The following UMAD1 variants were observed in gnomAD, a reference collection of about 807,000 sequenced individuals.
The protein encoded by UMAD1 is UBAP1-MVB12-associated (UMA)-domain containing protein 1.
UMAD1 carries 8 observed loss-of-function variants against 6.1 expected under a neutral mutation model. The observed-to-expected ratio is 1.30, with a 90% CI of 0.76 to 2.35. UMAD1 has a LOEUF of 2.35. Among genes scored for constraint, UMAD1 ranks in the 30% most tolerant of loss-of-function variants. The pLI is 0.00. For missense variants in UMAD1, 130 were observed against 78.4 expected (o/e 1.66, Z -2.49); for synonymous variants, 56 against 31.4 (o/e 1.78, Z -2.61).
intron 2 of UMAD1, among the ~76,000 whole-genome samples, chr7:7,703,638 T>C (rs920376181): frequency 6.6e-6 from 1 of 152,150 alleles, no homozygotes; most frequent in African/African-American, 2.4e-5. Context: ...CAAAGTTCAG[T>C]TCCTTCTTCT....
intron 2 of UMAD1, among the ~76,000 whole-genome samples, chr7:7,675,382 G>A (rs572908213): frequency 2.0e-5 from 3 of 152,160 alleles, no homozygotes; most frequent in Non-Finnish European, 4.4e-5. Flanking sequence ...GTGGCTCCTG[G>A]TGCTGCTAAG....
At chr7:7,647,388 C>T (rs1327828767) in intron 1 of UMAD1, among the ~76,000 whole-genome samples, 1 of 152,104 alleles carries the variant, frequency 6.6e-6, no homozygotes, top group Admixed American at 6.5e-5. Flanking sequence ...TTATGTGAGG[C>T]TTGCTTTAAG....
intron 1 of UMAD1, among the ~76,000 whole-genome samples, chr7:7,648,142 CCTT>C (rs1208492031): frequency 1.3e-5 from 2 of 152,168 alleles, no homozygotes; most frequent in African/African-American, 2.4e-5. Context: ...CCAGTGGCCT[CCTT>C]CTTCTTAAAG....
intron 2 of UMAD1, chr7:7,715,292 T>C (rs1460815412): frequency 1.3e-5 from 2 of 152,110 alleles, no homozygotes; most frequent in Non-Finnish European, 2.9e-5. Flanking sequence ...ATGAATACAG[T>C]TTCATCAATG....
intron 2 of UMAD1, among the ~76,000 whole-genome samples, chr7:7,775,207 G>A (rs752507280): frequency 7.2e-5 from 11 of 152,140 alleles, no homozygotes; most frequent in Non-Finnish European, 1.0e-4. Flanking sequence ...GCTCAGCATC[G>A]GTAGTTATTA....
intron 1 of UMAD1, among the ~76,000 whole-genome samples, chr7:7,646,267 G>A (rs1388070392): frequency 6.6e-6 from 1 of 150,918 alleles, no homozygotes; most frequent in Non-Finnish European, 1.5e-5. Flanking sequence ...ATTGAGTGAT[G>A]GAGGTGGCTC....
chr7:7,683,019 C>T (rs1779950604), intron 2 of UMAD1, among the ~76,000 whole-genome samples: 1 of 152,200 alleles, frequency 6.6e-6, no homozygotes, highest in South Asian at 2.1e-4. Flanking sequence ...TAGGCCATCC[C>T]CGTGTGGGGT....
intron 2 of UMAD1, among the ~76,000 whole-genome samples, chr7:7,700,434 GA>G (rs1337427835): frequency 6.6e-6 from 1 of 152,058 alleles, no homozygotes; most frequent in Non-Finnish European, 1.5e-5. Context: ...TTTATATTAA[GA>G]AAAAGTCAGG....
chr7:7,749,310 C>T (rs1343293174), intron 2 of UMAD1, among the ~76,000 whole-genome samples: 2 of 152,192 alleles, frequency 1.3e-5, no homozygotes, highest in Non-Finnish European at 2.9e-5. Flanking sequence ...TATAATCTCA[C>T]CTCAGTGAGA....
chr7:7,654,764 T>G (rs1329406536), intron 1 of UMAD1, among the ~76,000 whole-genome samples: 1 of 151,698 alleles, frequency 6.6e-6, no homozygotes. Context: ...ATTAGCCAGG[T>G]GTGGTGGCGG....
intron 2 of UMAD1, among the ~76,000 whole-genome samples, chr7:7,693,769 A>G (rs1001280458): frequency 1.3e-5 from 2 of 152,180 alleles, no homozygotes; most frequent in Non-Finnish European, 2.9e-5. Context: ...AATATTTTGT[A>G]AGATGTTTAT....
intron 3 of UMAD1, among the ~76,000 whole-genome samples, chr7:7,847,851 A>G (rs534586533): frequency 1.3e-5 from 2 of 152,120 alleles, no homozygotes; most frequent in African/African-American, 2.4e-5. Context: ...CAGGATGCAC[A>G]TTTTTTAACT....
chr7:7,653,359 G>T (rs1785270252), intron 1 of UMAD1, among the ~76,000 whole-genome samples: 1 of 152,162 alleles, frequency 6.6e-6, no homozygotes, highest in Non-Finnish European at 1.5e-5. Flanking sequence ...GTCAGTGATT[G>T]AGATCCAAAT....
At chr7:7,856,791 T>C (rs10230493) in intron 3 of UMAD1, among the ~76,000 whole-genome samples, 2,622 of 152,312 alleles carry the variant, frequency 0.017, 85 homozygotes, top group African/African-American at 0.059. Flanking sequence ...CAGAAAAGCA[T>C]ATACTTTACA....
At chr7:7,804,710 G>A (rs772493079) in intron 3 of UMAD1, among the ~76,000 whole-genome samples, 8 of 152,218 alleles carry the variant, frequency 5.3e-5, no homozygotes, top group African/African-American at 1.7e-4. Context: ...GGCCGGGTGC[G>A]GTGGCTCACG....
At chr7:7,761,378 A>T (rs187122319) in intron 2 of UMAD1, among the ~76,000 whole-genome samples, 1 of 151,698 alleles carries the variant, frequency 6.6e-6, no homozygotes, top group Non-Finnish European at 1.5e-5. Context: ...AAAAAAAAGT[A>T]CCACTTCTTT....
At chr7:7,813,843 T>A (rs964941408) in intron 3 of UMAD1, among the ~76,000 whole-genome samples, 3 of 152,204 alleles carry the variant, frequency 2.0e-5, no homozygotes, top group African/African-American at 7.2e-5. Flanking sequence ...TGTTGTTCAG[T>A]TTGATTGAAT....
intron 3 of UMAD1, among the ~76,000 whole-genome samples, chr7:7,834,311 C>T (rs544085104): frequency 1.3e-5 from 2 of 152,256 alleles, no homozygotes; most frequent in East Asian, 1.9e-4. Flanking sequence ...GCATGAGCCA[C>T]CATGCCTGGC....
At chr7:7,865,034 CT>C (rs1195605490) in intron 3 of UMAD1, among the ~76,000 whole-genome samples, 1 of 152,150 alleles carries the variant, frequency 6.6e-6, no homozygotes, top group Non-Finnish European at 1.5e-5. Context: ...ACTCCTTCCC[CT>C]GATCTTGCCC....
Sources: allele counts gnomAD v4.1 joint callset (sites outside exome capture counted in the v4.1 genomes callset), GRCh38; gene constraint gnomAD v4.1.1; transcripts MANE v1.5; gene names NCBI Gene and HGNC (gene_info 2026-07-23, HGNC 2026-07-21).